DCAF8L2: variants seen among roughly 807,000 people sequenced by gnomAD.
The protein encoded by DCAF8L2 is DDB1 and CUL4 associated factor 8 like 2, also known as DDB1- and CUL4-associated factor 8-like protein 2.
For synonymous variants in DCAF8L2, 200 were observed against 190.9 expected (o/e 1.05, Z -0.39); for missense variants, 430 against 490.7 (o/e 0.88, Z 1.17).
chrX:27,604,619 A>G (rs990520851), intron 1 of DCAF8L2, among the ~76,000 whole-genome samples: 8 of 112,119 alleles, frequency 7.1e-5, no homozygotes, highest in Non-Finnish European at 1.1e-4. Context: ...TTTGGAAAAC[A>G]CAAGAAAAAT....
the DCAF8L2 span, among the ~76,000 whole-genome samples, chrX:27,514,668 CAAA>C: frequency 1.2e-3 from 3 of 2,528 alleles, no homozygotes; most frequent in African/African-American, 2.3e-3. Context: ...GACTCCGTCT[CAAA>C]AAAAAAAAAA....
intron 2 of DCAF8L2, among the ~76,000 whole-genome samples, chrX:27,645,501 G>C (rs1298448797): frequency 1.8e-5 from 2 of 111,635 alleles, no homozygotes; most frequent in East Asian, 5.7e-4. Context: ...CTTGAAAACT[G>C]GCACAAGACA....
In DCAF8L2 at chrX:27,747,145, C is replaced by T. The variant is rs767437527; in HGVS notation, c.250C>T (p.Leu84Phe). Reference sequence around the variant, plus strand: ...AGAAAGCGCAAGTGAAGACATCGAACTTGAGAGCTTGGAGGACTTTGAGCA... The same window carrying T: ...AGAAAGCGCAAGTGAAGACATCGAATTTGAGAGCTTGGAGGACTTTGAGCA... ...DQESASEDIE[L>F]ESLEDFEHFL... The change falls in exon 5 of 5, where the codon CTT (leucine) becomes TTT (phenylalanine). Residue 84 changes from leucine to phenylalanine, a missense_variant. Transcript: ENST00000451261. 3 of 1,165,235 alleles carry T rather than the reference C, an allele frequency of 2.6e-6. No individual in the cohort carries two copies. The highest frequency in any genetic ancestry group is 1.1e-6 in the Non-Finnish European group (1 of 872,573).
the DCAF8L2 span, among the ~76,000 whole-genome samples, chrX:27,506,624 T>C: frequency 9.0e-6 from 1 of 110,813 alleles, no homozygotes; most frequent in Non-Finnish European, 1.9e-5. Flanking sequence ...CATGGCTGTC[T>C]TCTCTCATGT....
intron 3 of DCAF8L2, among the ~76,000 whole-genome samples, chrX:27,711,501 A>G (rs1054856300): frequency 9.2e-6 from 1 of 108,767 alleles, no homozygotes; most frequent in Non-Finnish European, 1.9e-5. Context: ...CTTGTCACAC[A>G]AAAGTAACTA....
chrX:27,497,545 C>CTTTCT, the DCAF8L2 span, among the ~76,000 whole-genome samples: 370 of 76,940 alleles, frequency 4.8e-3, 6 homozygotes, highest in African/African-American at 0.027. Flanking sequence ...TCCTTCCTTC[C>CTTTCT]TTCCTTCTTT....
the DCAF8L2 span, among the ~76,000 whole-genome samples, chrX:27,525,430 A>G: frequency 9.0e-6 from 1 of 111,578 alleles, no homozygotes; most frequent in Non-Finnish European, 1.9e-5. Context: ...GTGTTTCTGC[A>G]TGTGAGATGT....
At chrX:27,732,280 T>G (rs1921252823) in intron 4 of DCAF8L2, among the ~76,000 whole-genome samples, 2 of 111,206 alleles carry the variant, frequency 1.8e-5, no homozygotes, top group African/African-American at 6.5e-5. Context: ...ATTTCCCCAC[T>G]TCCTTCTCCC....
the DCAF8L2 span, among the ~76,000 whole-genome samples, chrX:27,581,237 T>C: frequency 8.1e-5 from 9 of 111,744 alleles, no homozygotes; most frequent in African/African-American, 2.9e-4. Flanking sequence ...CTCTTCATGT[T>C]TTTTATTGTT....
chrX:27,628,077 GAAC>G (rs1027180739), intron 1 of DCAF8L2, among the ~76,000 whole-genome samples: 1 of 110,925 alleles, frequency 9.0e-6, no homozygotes, highest in African/African-American at 3.3e-5. Context: ...TATACCCATT[GAAC>G]AACTCTCAAT....
intron 1 of DCAF8L2, among the ~76,000 whole-genome samples, chrX:27,611,689 C>T (rs773550576): frequency 5.5e-5 from 6 of 109,080 alleles, no homozygotes; most frequent in Non-Finnish European, 7.6e-5. Flanking sequence ...TGAGAACATG[C>T]GATGTTTGGT....
chrX:27,564,858 A>T, the DCAF8L2 span, among the ~76,000 whole-genome samples: 37 of 109,386 alleles, frequency 3.4e-4, no homozygotes, highest in East Asian at 5.8e-4. Context: ...TTTAAAAAAA[A>T]ATTTTTTGTA....
intron 2 of DCAF8L2, among the ~76,000 whole-genome samples, chrX:27,664,413 G>T (rs770803172): frequency 2.7e-5 from 3 of 111,782 alleles, no homozygotes; most frequent in Admixed American, 9.5e-5. Context: ...ACTTGAAGAA[G>T]AAAAGCTGGA....
At chrX:27,540,061 C>T in the DCAF8L2 span, among the ~76,000 whole-genome samples, 1 of 110,646 alleles carries the variant, frequency 9.0e-6, no homozygotes, top group Non-Finnish European at 1.9e-5. Flanking sequence ...TCTTCCTAAT[C>T]GCTGTTTCAC....
the DCAF8L2 span, among the ~76,000 whole-genome samples, chrX:27,516,296 C>A: frequency 9.0e-6 from 1 of 111,110 alleles, no homozygotes; most frequent in Admixed American, 9.7e-5. Flanking sequence ...ATTATAATTT[C>A]TAAAATAGAA....
the DCAF8L2 span, among the ~76,000 whole-genome samples, chrX:27,497,972 C>T: frequency 5.3e-5 from 6 of 112,315 alleles, no homozygotes; most frequent in African/African-American, 1.6e-4. Context: ...CAAGGTTCAT[C>T]CATGTTGTAG....
At chrX:27,623,675 C>T (rs998266630) in intron 1 of DCAF8L2, among the ~76,000 whole-genome samples, 4 of 111,187 alleles carry the variant, frequency 3.6e-5, no homozygotes, top group Non-Finnish European at 1.9e-5. Context: ...AAAAAGATTG[C>T]ATAGCAGCCC....
the DCAF8L2 span, among the ~76,000 whole-genome samples, chrX:27,513,074 C>T: frequency 4.5e-5 from 5 of 111,509 alleles, no homozygotes; most frequent in Non-Finnish European, 9.4e-5. Flanking sequence ...CCCTATCTCT[C>T]ACCATACACA....
chrX:27,516,345 GA>G, the DCAF8L2 span, among the ~76,000 whole-genome samples: 1 of 110,358 alleles, frequency 9.1e-6, no homozygotes, highest in Non-Finnish European at 1.9e-5. Context: ...TTAGATACTG[GA>G]AAAAAATAAG....
Sources: gnomAD v4.1 joint callset for allele counts (sites outside exome capture counted in the v4.1 genomes callset) on GRCh38, gnomAD v4.1.1 for gene constraint, MANE v1.5 for transcripts, NCBI Gene and HGNC (gene_info 2026-07-23, HGNC 2026-07-21) for gene names.